The following CNTNAP2 variants were observed in gnomAD, a reference collection of about 807,000 sequenced individuals.
CNTNAP2 encodes the protein contactin-associated protein-like 2.
Under a neutral mutation model 155.2 loss-of-function variants are expected in CNTNAP2, and 98 were observed. The ratio of observed to expected loss-of-function variants is 0.63; its 90% confidence interval spans 0.54 to 0.75. The LOEUF (loss-of-function observed/expected upper bound fraction) is 0.75. CNTNAP2 is among the 30% of genes least tolerant of loss of function. The pLI is 0.00. For synonymous variants in CNTNAP2, 651 were observed against 631.2 expected (o/e 1.03, Z -0.47); for missense variants, 1,727 against 1,688.1 (o/e 1.02, Z -0.40).
At chr7:146,352,750 G>GTTGTTTTT (rs1554421455) in intron 1 of CNTNAP2, among the ~76,000 whole-genome samples, 5 of 64,342 alleles carry the variant, frequency 7.8e-5, no homozygotes, top group African/African-American at 2.6e-4. Flanking sequence ...GCATAATTCT[G>GTTGTTTTT]TTTTTTTTTT....
At chr7:147,870,358 C>T (rs1799305644) in intron 13 of CNTNAP2, among the ~76,000 whole-genome samples, 1 of 152,096 alleles carries the variant, frequency 6.6e-6, no homozygotes, top group South Asian at 2.1e-4. Flanking sequence ...GCTAAAGTAG[C>T]CCATATGAGG....
intron 21 of CNTNAP2, among the ~76,000 whole-genome samples, chr7:148,373,738 CCA>C (rs1798932092): frequency 6.6e-6 from 1 of 152,142 alleles, no homozygotes. Flanking sequence ...CAGTGCTCTC[CCA>C]CCTAGGAGGC....
At chr7:146,268,810 G>A (rs139462186) in intron 1 of CNTNAP2, among the ~76,000 whole-genome samples, 2 of 152,258 alleles carry the variant, frequency 1.3e-5, no homozygotes, top group South Asian at 2.1e-4. Flanking sequence ...CATTATTTAC[G>A]TGGTCTTATT....
At chr7:148,083,312 A>G (rs1803652072) in intron 15 of CNTNAP2, among the ~76,000 whole-genome samples, 1 of 152,216 alleles carries the variant, frequency 6.6e-6, no homozygotes, top group African/African-American at 2.4e-5. Flanking sequence ...TCATAATAAC[A>G]TTAGAGAAAT....
intron 11 of CNTNAP2, among the ~76,000 whole-genome samples, chr7:147,548,510 T>G (rs1477621887): frequency 6.6e-6 from 1 of 152,168 alleles, no homozygotes; most frequent in African/African-American, 2.4e-5. Context: ...ATATTAGACC[T>G]TTGTCAGATG....
chr7:146,685,522 C>T (rs1172071830), intron 1 of CNTNAP2, among the ~76,000 whole-genome samples: 1 of 152,166 alleles, frequency 6.6e-6, no homozygotes, highest in Non-Finnish European at 1.5e-5. Flanking sequence ...CATCCTTTCT[C>T]AGATATGACT....
intron 1 of CNTNAP2, among the ~76,000 whole-genome samples, chr7:146,465,122 TAC>T (rs143263379): frequency 6.6e-6 from 1 of 151,650 alleles, no homozygotes; most frequent in African/African-American, 2.4e-5. Context: ...AGTCTAAACA[TAC>T]ACACACACAC....
intron 1 of CNTNAP2, among the ~76,000 whole-genome samples, chr7:146,416,225 T>C (rs1251302650): frequency 1.3e-5 from 2 of 151,214 alleles, no homozygotes; most frequent in East Asian, 3.9e-4. Context: ...GTTATTGTAT[T>C]GTCAACACTA....
chr7:146,468,532 T>A (rs1000151808), intron 1 of CNTNAP2, among the ~76,000 whole-genome samples: 1 of 152,202 alleles, frequency 6.6e-6, no homozygotes. Flanking sequence ...CAAGGAAATG[T>A]CAAAAGACTG....
At chr7:147,288,926 C>T (rs1023550694) in intron 8 of CNTNAP2, among the ~76,000 whole-genome samples, 1 of 152,124 alleles carries the variant, frequency 6.6e-6, no homozygotes, top group Non-Finnish European at 1.5e-5. Flanking sequence ...CATACATGTA[C>T]TTTGTCTTTA....
chr7:146,232,171 A>G (rs1338200526), intron 1 of CNTNAP2, among the ~76,000 whole-genome samples: 1 of 150,704 alleles, frequency 6.6e-6, no homozygotes, highest in Non-Finnish European at 1.5e-5. Flanking sequence ...CCTTCATGGA[A>G]AAACTCACAG....
chr7:146,560,977 A>G (rs1324726390), intron 1 of CNTNAP2, among the ~76,000 whole-genome samples: 2 of 152,170 alleles, frequency 1.3e-5, no homozygotes, highest in East Asian at 3.9e-4. Context: ...TTCATTACAT[A>G]AGGAATTCAG....
At chr7:147,989,284 G>C (rs1045462119) in intron 15 of CNTNAP2, among the ~76,000 whole-genome samples, 1 of 152,102 alleles carries the variant, frequency 6.6e-6, no homozygotes, top group South Asian at 2.1e-4. Context: ...CACCCACCTG[G>C]GTCCAAATCC....
intron 3 of CNTNAP2, among the ~76,000 whole-genome samples, chr7:146,844,350 T>C (rs1803801972): frequency 1.3e-5 from 2 of 152,156 alleles, no homozygotes. Context: ...AATAGAATTC[T>C]TTATATTTTA....
At chr7:147,143,472 T>A (rs1003704217) in intron 8 of CNTNAP2, among the ~76,000 whole-genome samples, 3 of 152,204 alleles carry the variant, frequency 2.0e-5, no homozygotes, top group Admixed American at 6.5e-5. Context: ...TCTTCTAAAT[T>A]TTTTTAAGAA....
chr7:147,565,212 C>T (rs1363022163), intron 12 of CNTNAP2, among the ~76,000 whole-genome samples: 1 of 152,092 alleles, frequency 6.6e-6, no homozygotes, highest in Non-Finnish European at 1.5e-5. Flanking sequence ...AATCAATCCC[C>T]CAGGGCACAA....
chr7:147,864,393 AT>A (rs1799190170), intron 13 of CNTNAP2, among the ~76,000 whole-genome samples: 1 of 151,870 alleles, frequency 6.6e-6, no homozygotes. Context: ...TTGGCTTAGG[AT>A]TTTCTTGGCA....
intron 8 of CNTNAP2, among the ~76,000 whole-genome samples, chr7:147,197,133 A>T (rs1359318017): frequency 6.6e-6 from 1 of 152,054 alleles, no homozygotes; most frequent in Non-Finnish European, 1.5e-5. Flanking sequence ...AACCAATCAG[A>T]TGATTGCATA....
intron 14 of CNTNAP2, among the ~76,000 whole-genome samples, chr7:147,920,085 G>A (rs1026507835): frequency 2.0e-5 from 3 of 151,764 alleles, no homozygotes; most frequent in Admixed American, 6.6e-5. Flanking sequence ...TTGGCCGGGC[G>A]CGGTGGCTCA....
Sources: gnomAD v4.1 joint callset for allele counts (sites outside exome capture counted in the v4.1 genomes callset) on GRCh38, gnomAD v4.1.1 for gene constraint, MANE v1.5 for transcripts, NCBI Gene and HGNC (gene_info 2026-07-23, HGNC 2026-07-21) for gene names.